The following WDPCP variants were observed in gnomAD, a reference collection of about 807,000 sequenced individuals.
WDPCP encodes the protein WD repeat-containing and planar cell polarity effector protein fritz homolog.
A neutral mutation model predicts 93.1 loss-of-function variants in WDPCP; 71 were observed. The ratio of observed to expected loss-of-function variants is 0.76; its 90% CI spans 0.63 to 0.93. The LOEUF (loss-of-function observed/expected upper bound fraction) is 0.93, where lower values mean the gene tolerates loss of function less well. Ranked by LOEUF, WDPCP falls within the 40% of genes least tolerant of loss-of-function variation. WDPCP has a pLI of 0.00. For missense variants in WDPCP, 844 were observed against 887.4 expected, an observed-to-expected ratio of 0.95 and a Z score of 0.62; for synonymous variants, 315 against 315.0, an observed-to-expected ratio of 1.00 and a Z score of 0.00.
At chr2:63,684,834 T>C (rs1668784012) in intron 2 of WDPCP, 1 of 325,858 alleles carries the variant, frequency 3.1e-6, no homozygotes, top group Non-Finnish European at 5.9e-6. Flanking sequence ...TTGGAAACTA[T>C]ACAATCACAT....
chr2:63,708,635 T>G (rs2103741654), intron 2 of WDPCP, among the ~76,000 whole-genome samples: 1 of 152,240 alleles, frequency 6.6e-6, no homozygotes, highest in East Asian at 2.0e-4. Flanking sequence ...CCCACTGTCC[T>G]GCACCCACTG....
chr2:63,146,808 T>C (rs1671546510), intron 17 of WDPCP, among the ~76,000 whole-genome samples: 3 of 152,200 alleles, frequency 2.0e-5, no homozygotes, highest in Non-Finnish European at 2.9e-5. Context: ...AAAAATAAGA[T>C]GGATTGATAA....
chr2:63,288,926 C>G (rs1046384536), intron 13 of WDPCP, among the ~76,000 whole-genome samples: 18 of 151,848 alleles, frequency 1.2e-4, no homozygotes, highest in African/African-American at 4.1e-4. Context: ...CTCCCCATGA[C>G]TAGATTTGGG....
intron 3 of WDPCP, among the ~76,000 whole-genome samples, chr2:63,487,070 T>C (rs1006369827): frequency 1.3e-5 from 2 of 151,954 alleles, no homozygotes; most frequent in East Asian, 1.9e-4. Flanking sequence ...ATAAAGAAAA[T>C]TGATCATTCA....
intron 2 of WDPCP, among the ~76,000 whole-genome samples, chr2:63,693,249 A>G (rs1455875265): frequency 6.6e-6 from 1 of 152,198 alleles, no homozygotes; most frequent in Admixed American, 6.6e-5. Context: ...TTACATTGGT[A>G]AGATGTTTTA....
chr2:63,216,623 G>A (rs972940955), intron 14 of WDPCP, among the ~76,000 whole-genome samples: 1 of 151,920 alleles, frequency 6.6e-6, no homozygotes, highest in Non-Finnish European at 1.5e-5. Context: ...ATGAGTTAAT[G>A]GGTGCAGCAC....
intron 14 of WDPCP, among the ~76,000 whole-genome samples, chr2:63,208,061 A>T (rs17348134): frequency 0.16 from 23,840 of 152,020 alleles, 2,262 homozygotes; most frequent in Non-Finnish European, 0.22. Context: ...TTCTCTAAAA[A>T]ATCTTCTTTA....
At chr2:63,301,669 G>A (rs1033693955) in intron 13 of WDPCP, among the ~76,000 whole-genome samples, 2 of 152,140 alleles carry the variant, frequency 1.3e-5, no homozygotes, top group African/African-American at 2.4e-5. Context: ...CAGCAACCAT[G>A]AGCAGCATGT....
intron 6 of WDPCP, among the ~76,000 whole-genome samples, chr2:63,454,962 C>T (rs1698521926): frequency 6.6e-6 from 1 of 152,120 alleles, no homozygotes; most frequent in Admixed American, 6.5e-5. Flanking sequence ...AATTACCCTT[C>T]ATAAATGAGA....
chr2:63,775,279 T>G (rs1389714203), intron 2 of WDPCP, among the ~76,000 whole-genome samples: 4 of 152,218 alleles, frequency 2.6e-5, no homozygotes, highest in Admixed American at 2.0e-4. Flanking sequence ...TGGATACCTA[T>G]TCTTCATTGT....
intron 13 of WDPCP, among the ~76,000 whole-genome samples, chr2:63,267,290 A>C (rs1470351634): frequency 6.6e-6 from 1 of 152,206 alleles, no homozygotes; most frequent in Non-Finnish European, 1.5e-5. Context: ...CTGGATATTC[A>C]TGTGCAGAAT....
intron 12 of WDPCP, among the ~76,000 whole-genome samples, chr2:63,377,434 C>G (rs1031917258): frequency 1.3e-5 from 2 of 151,110 alleles, no homozygotes; most frequent in African/African-American, 4.8e-5. Flanking sequence ...GAATACTATA[C>G]ATATATGTAT....
chr2:63,344,498 C>G (rs1020953284), intron 12 of WDPCP, among the ~76,000 whole-genome samples: 2 of 152,128 alleles, frequency 1.3e-5, no homozygotes, highest in African/African-American at 4.8e-5. Context: ...AGCCTGTGTC[C>G]AGCTCTGGGC....
At chr2:63,617,890 T>C (rs1314763167) in intron 3 of WDPCP, among the ~76,000 whole-genome samples, 1 of 152,244 alleles carries the variant, frequency 6.6e-6, no homozygotes, top group Admixed American at 6.5e-5. Flanking sequence ...TATGCATATA[T>C]GTACACATTT....
intron 1 of WDPCP, among the ~76,000 whole-genome samples, chr2:63,527,880 T>G (rs1247974929): frequency 1.3e-5 from 2 of 152,162 alleles, no homozygotes; most frequent in Non-Finnish European, 1.5e-5. Context: ...CTCCAAGACC[T>G]GTTGTTTCCT....
At chr2:63,529,988 G>C (rs1390552556) in intron 1 of WDPCP, among the ~76,000 whole-genome samples, 2 of 152,210 alleles carry the variant, frequency 1.3e-5, no homozygotes, top group African/African-American at 4.8e-5. Flanking sequence ...TATTTGTGTA[G>C]AGGTGTTTAT....
At chr2:63,341,205 T>C (rs981205247) in intron 12 of WDPCP, among the ~76,000 whole-genome samples, 3 of 152,192 alleles carry the variant, frequency 2.0e-5, no homozygotes, top group East Asian at 1.9e-4. Context: ...CTCGGCATAC[T>C]GCAACCTCCG....
At chr2:63,818,975 G>C (rs951697169) in intron 1 of WDPCP, among the ~76,000 whole-genome samples, 2 of 151,910 alleles carry the variant, frequency 1.3e-5, no homozygotes, top group African/African-American at 2.4e-5. Context: ...AACGTCTCTT[G>C]ATATATATTT....
At chr2:63,216,722 CTA>C (rs1491495008) in intron 14 of WDPCP, among the ~76,000 whole-genome samples, 2 of 150,380 alleles carry the variant, frequency 1.3e-5, no homozygotes, top group African/African-American at 4.9e-5. Context: ...AAAAAAAAAA[CTA>C]AAAAAAAATA....
Sources: allele counts gnomAD v4.1 joint callset (sites outside exome capture counted in the v4.1 genomes callset), GRCh38; gene constraint gnomAD v4.1.1; transcripts MANE v1.5; gene names NCBI Gene and HGNC (gene_info 2026-07-23, HGNC 2026-07-21).